The following PRKG1 variants were observed in gnomAD, a reference collection of about 807,000 sequenced individuals.
PRKG1 encodes cGMP-dependent protein kinase 1.
Under a neutral mutation model 88.1 loss-of-function variants are expected in PRKG1, and 35 were observed. The observed-to-expected ratio is 0.40, with a 90% CI of 0.30 to 0.53. The LOEUF is 0.53. Among genes scored for constraint, PRKG1 ranks in the 20% least tolerant of loss-of-function variants. The pLI is 0.59. For missense variants in PRKG1, 540 were observed against 839.8 expected (o/e 0.64, Z 4.41); for synonymous variants, 303 against 292.5 (o/e 1.04, Z -0.37).
chr10:51,433,597 C>T (rs1298252977), intron 2 of PRKG1, among the ~76,000 whole-genome samples: 4 of 151,960 alleles, frequency 2.6e-5, no homozygotes, highest in Non-Finnish European at 4.4e-5. Flanking sequence ...TCCGAAGGAC[C>T]GATTTTGTAA....
At chr10:52,210,527 T>A (rs1298330290) in intron 9 of PRKG1, among the ~76,000 whole-genome samples, 2 of 152,212 alleles carry the variant, frequency 1.3e-5, no homozygotes, top group African/African-American at 4.8e-5. Context: ...AGGTTATTTG[T>A]TAATGCCTTT....
chr10:51,923,983 A>G (rs1342166227), intron 5 of PRKG1, among the ~76,000 whole-genome samples: 1 of 151,726 alleles, frequency 6.6e-6, no homozygotes, highest in Non-Finnish European at 1.5e-5. Flanking sequence ...GTGCACCATC[A>G]CACCCAGCTA....
intron 2 of PRKG1, among the ~76,000 whole-genome samples, chr10:51,355,347 G>C (rs1588876158): frequency 6.6e-6 from 1 of 152,026 alleles, no homozygotes; most frequent in African/African-American, 2.4e-5. Flanking sequence ...TTTAAAGGAT[G>C]ATTTTTCAGA....
At chr10:51,821,396 A>G (rs1225951839) in intron 4 of PRKG1, among the ~76,000 whole-genome samples, 1 of 152,114 alleles carries the variant, frequency 6.6e-6, no homozygotes, top group Non-Finnish European at 1.5e-5. Flanking sequence ...TATAGGAAGC[A>G]TATATATAAC....
At chr10:51,505,193 T>G (rs1841158670) in intron 3 of PRKG1, among the ~76,000 whole-genome samples, 2 of 152,184 alleles carry the variant, frequency 1.3e-5, no homozygotes, top group African/African-American at 4.8e-5. Flanking sequence ...GGTTGTTGAA[T>G]TTTGTCAAAG....
At chr10:51,104,829 A>C (rs1844790075) in intron 1 of PRKG1, among the ~76,000 whole-genome samples, 1 of 151,946 alleles carries the variant, frequency 6.6e-6, no homozygotes, top group African/African-American at 2.4e-5. Context: ...TCCAGGGTTC[A>C]AGTGATTCTC....
chr10:51,241,327 A>G (rs1269094988), intron 2 of PRKG1, among the ~76,000 whole-genome samples: 1 of 151,958 alleles, frequency 6.6e-6, no homozygotes. Flanking sequence ...AAAGCCAAAG[A>G]ACCTCCTTTA....
intron 2 of PRKG1, among the ~76,000 whole-genome samples, chr10:51,153,589 T>G (rs750038184): frequency 2.6e-5 from 4 of 152,042 alleles, no homozygotes; most frequent in Non-Finnish European, 5.9e-5. Flanking sequence ...AGAAATATAG[T>G]TTATTACACT....
chr10:51,566,663 A>G (rs986597970), intron 3 of PRKG1, among the ~76,000 whole-genome samples: 5 of 152,012 alleles, frequency 3.3e-5, no homozygotes, highest in Admixed American at 3.3e-4. Context: ...AGAGTCAGCT[A>G]TGGGCGGGAA....
At chr10:51,516,184 G>A (rs922569298) in intron 3 of PRKG1, among the ~76,000 whole-genome samples, 1 of 152,142 alleles carries the variant, frequency 6.6e-6, no homozygotes, top group African/African-American at 2.4e-5. Context: ...AGAGAAGGGA[G>A]CTGGAATGCT....
chr10:51,930,504 T>C (rs1842669637), intron 5 of PRKG1, among the ~76,000 whole-genome samples: 1 of 143,740 alleles, frequency 7.0e-6, no homozygotes, highest in Non-Finnish European at 1.5e-5. Context: ...TCTTTTTTTT[T>C]TTTTTTTTTT....
chr10:51,877,360 AT>A (rs372468143), intron 4 of PRKG1, among the ~76,000 whole-genome samples: 3 of 151,900 alleles, frequency 2.0e-5, no homozygotes, highest in Admixed American at 2.0e-4. Flanking sequence ...TTATTTTCAG[AT>A]TTTTTTTGGT....
chr10:51,747,038 G>A (rs1837599499), intron 3 of PRKG1, among the ~76,000 whole-genome samples: 1 of 152,122 alleles, frequency 6.6e-6, no homozygotes, highest in African/African-American at 2.4e-5. Flanking sequence ...CAACTTACAG[G>A]TACAAATCTT....
At chr10:51,516,706 T>C (rs1841596406) in intron 3 of PRKG1, among the ~76,000 whole-genome samples, 1 of 152,240 alleles carries the variant, frequency 6.6e-6, no homozygotes, top group Non-Finnish European at 1.5e-5. Context: ...GCAAATTTTG[T>C]CAAGTCAATG....
intron 9 of PRKG1, among the ~76,000 whole-genome samples, chr10:52,173,350 T>C (rs1838763882): frequency 6.6e-6 from 1 of 152,216 alleles, no homozygotes; most frequent in South Asian, 2.1e-4. Context: ...ATATGGCATT[T>C]AGATATGATA....
intron 3 of PRKG1, among the ~76,000 whole-genome samples, chr10:51,549,356 C>A (rs1842526008): frequency 6.6e-6 from 1 of 151,590 alleles, no homozygotes; most frequent in South Asian, 2.1e-4. Flanking sequence ...GATCTCCTGA[C>A]CTTGGGGATA....
intron 5 of PRKG1, among the ~76,000 whole-genome samples, chr10:52,001,386 G>A (rs1844593366): frequency 6.6e-6 from 1 of 151,116 alleles, no homozygotes; most frequent in South Asian, 2.1e-4. Flanking sequence ...ACATAACTAT[G>A]TGAGGTGATG....
chr10:51,312,386 C>T (rs1430871462), intron 2 of PRKG1, among the ~76,000 whole-genome samples: 1 of 152,178 alleles, frequency 6.6e-6, no homozygotes, highest in Non-Finnish European at 1.5e-5. Context: ...TGTGGCAGAA[C>T]TGCATCTTCT....
chr10:51,250,274 A>G (rs1342481175), intron 2 of PRKG1, among the ~76,000 whole-genome samples: 3 of 151,916 alleles, frequency 2.0e-5, no homozygotes, highest in Non-Finnish European at 4.4e-5. Context: ...AAATACTAGG[A>G]AACATTCTAT....
Sources: gnomAD v4.1 joint callset for allele counts (sites outside exome capture counted in the v4.1 genomes callset) on GRCh38, gnomAD v4.1.1 for gene constraint, MANE v1.5 for transcripts, NCBI Gene and HGNC (gene_info 2026-07-23, HGNC 2026-07-21) for gene names.